DHPS: variants seen among roughly 807,000 people sequenced by gnomAD.
DHPS encodes the protein migration-inducing gene 13.
Under a neutral mutation model 38.7 loss-of-function variants are expected in DHPS, and 24 were observed. The ratio of observed to expected loss-of-function variants is 0.62; its 90% CI spans 0.45 to 0.87. The LOEUF (loss-of-function observed/expected upper bound fraction) is 0.87, where lower values mean the gene tolerates loss of function less well. Among genes scored for constraint, DHPS ranks in the 40% least tolerant of loss-of-function variants. DHPS has a pLI of 0.00. For synonymous variants in DHPS, 250 were observed against 204.4 expected (o/e 1.22, Z -1.90); for missense variants, 510 against 497.6 (o/e 1.02, Z -0.24).
intron 1 of DHPS, chr19:12,681,120 C>T: frequency 7.8e-7 from 1 of 1,277,922 alleles, no homozygotes; most frequent in Non-Finnish European, 1.0e-6. Flanking sequence ...GCATGCGCCA[C>T]CGCGCCCAGC....
At chr19:12,676,225 G>T (rs757517786) in intron 7 of DHPS, 83 bp from the exon 8 acceptor site, 1 of 1,460,920 alleles carries the variant, frequency 6.8e-7, no homozygotes, top group Non-Finnish European at 9.1e-7. Context: ...AGCCAAACAG[G>T]CTGAGAGGTG....
In DHPS at chr19:12,677,121, T is replaced by C; in HGVS notation, c.875A>G (p.Asn292Ser). 1 of 1,614,202 alleles carries C rather than the reference T, an allele frequency of 6.2e-7. No individual in the cohort carries two copies. The highest frequency in any genetic ancestry group is 1.1e-5 in the South Asian group (1 of 91,080). Reference protein sequence around the residue: ...GGGVVKHHIANANLMRNGADY... With the variant: ...GGGVVKHHIASANLMRNGADY... ...ACCCCCACTCACCATGAGGTTGGCA[T>C]TGGCAATGTGGTGCTTGACCACGCC... The change falls in exon 7 of 9, where the codon AAT becomes AGT. Residue 292 changes from asparagine to serine, a missense_variant. Physicochemically the swap from Asn to Ser is conservative, Grantham distance 46. Coordinates refer to ENST00000210060, the MANE Select transcript of DHPS (RefSeq NM_001930.4).
At chr19:12,674,568 A>G (rs1378652880), downstream of DHPS, among the ~76,000 whole-genome samples, 1 of 152,184 alleles carries the variant, frequency 6.6e-6, no homozygotes, top group African/African-American at 2.4e-5. Context: ...CAGGCACATC[A>G]AGGGACATTT....
At chr19:12,680,111 C>T in intron 2 of DHPS, 50 bp downstream of exon 2, 1 of 1,604,730 alleles carries the variant, frequency 6.2e-7, no homozygotes, top group South Asian at 1.1e-5. Flanking sequence ...TCAATAACTG[C>T]ATTGCCCATT....
chr19:12,680,535 C>CTTTT (rs869197999), intron 1 of DHPS, among the ~76,000 whole-genome samples: 1 of 140,110 alleles, frequency 7.1e-6, no homozygotes, highest in South Asian at 2.3e-4. Flanking sequence ...TGCCCCCACC[C>CTTTT]TTTTTTTTTT....
intron 5 of DHPS, among the ~76,000 whole-genome samples, chr19:12,678,133 T>TC (rs2024678845): frequency 1.3e-5 from 2 of 151,630 alleles, no homozygotes; most frequent in South Asian, 4.2e-4. Context: ...ATGCCTATAA[T>TC]CCCAGCTACT....
chr19:12,680,831 G>T (rs2024782661), intron 1 of DHPS, among the ~76,000 whole-genome samples: 1 of 132,744 alleles, frequency 7.5e-6, no homozygotes, highest in African/African-American at 3.3e-5. Flanking sequence ...ACCGTGCCCG[G>T]CCTTTTTTTT....
At chr19:12,675,649 G>A (rs1193906875), downstream of DHPS, 1 of 1,601,488 alleles carries the variant, frequency 6.2e-7, no homozygotes, top group Non-Finnish European at 8.5e-7. Flanking sequence ...GGAGGCCTAT[G>A]AGGCAGAGGA....
chr19:12,675,866 G>A lies in DHPS; in HGVS notation c.1082C>T (p.Ala361Val), dbSNP rs776176976. The A allele has an allele frequency of 1.2e-6, 2 of 1,608,898 alleles. No individual in the cohort carries two copies. Among genetic ancestry groups the A allele is most frequent in the Admixed American group, 1.7e-5 (1 of 59,236 alleles). ...VAETFAQKMD[A>V]FMHEKNED is the part of the protein sequence containing the mutation. ...GTCCTCGTTCTTCTCATGCATGAAG[G>A]CATCCATCTTCTGGGCAAAGGTTTC... Residue 361 changes from alanine to valine, a missense_variant, in exon 9 of 9, where the codon GCC becomes GTC. Transcript: ENST00000210060.
Position 12,679,709 on chromosome 19 carries a change from G to A in DHPS, c.505C>T (p.Leu169=), listed in dbSNP as rs766145687. The A allele has an allele frequency of 2.5e-6, 4 of 1,614,156 alleles. No individual in the cohort carries two copies. Residue 169 remains leucine, a synonymous_variant, in exon 4 of 9, where the codon CTG becomes TTG. Coordinates refer to ENST00000210060, the MANE Select transcript of DHPS (RefSeq NM_001930.4). ...CAGTAATTCTCATTGGGCACCAGCA[G>A]GTTTCCGATCCTGAGAACAGGAGGC... ...RENGINRIGN[L]LVPNENYCKF...
rs780779762 is a variant in DHPS at position 12,679,722 on chromosome 19, G to A, written c.495-3C>T. On this transcript the variant is annotated splice_region_variant and splice_polypyrimidine_tract_variant and intron_variant, in intron 3 of 8. Coordinates refer to ENST00000210060, the MANE Select transcript of DHPS (RefSeq NM_001930.4). ...TGGGCACCAGCAGGTTTCCGATCCT[G>A]AGAACAGGAGGCATGTAGGCATCAG... 6.2e-6 allele frequency: 10 copies of A among 1,614,182 alleles called. No individual in the cohort carries two copies. Among genetic ancestry groups the A allele is most frequent in the South Asian group, 1.1e-5 (1 of 91,078 alleles).
At position 12,675,846 on chromosome 19, in the gene DHPS, C is replaced by T. The variant is rs189043504; in HGVS notation, c.1102G>A (p.Glu368Lys). The change falls in exon 9 of 9, where the codon GAG becomes AAG. Residue 368 changes from glutamate (E) to lysine (K), a missense_variant. Transcript: ENST00000210060. ...CCTGGGACCGCAGCCGCTCAGTCCT[C>T]GTTCTTCTCATGCATGAAGGCATCC... ...KMDAFMHEKN[E>K]D 170 of 1,602,024 alleles carry T rather than the reference C, an allele frequency of 1.1e-4. No individual in the cohort carries two copies. The highest frequency in any genetic ancestry group is 8.0e-5 in the African/African-American group (6 of 74,576).
chr19:12,679,218 G>T (rs972088593), intron 5 of DHPS, among the ~76,000 whole-genome samples: 1 of 151,782 alleles, frequency 6.6e-6, no homozygotes, highest in Non-Finnish European at 1.5e-5. Flanking sequence ...GGACTGCTTG[G>T]CCCCAGGAGG....
rs1235069227 is a variant in DHPS at position 12,681,590 on chromosome 19, G to T, written c.177C>A (p.Phe59Leu). ...FGTTGFQATN[F>L]GRAVQQVNAM... ...CATTGACTTGCTGTACAGCGCGCCC[G>T]AAGTTGGTTGCTTGGAAGCCGGTGG... is the stretch of plus-strand genomic sequence containing the variant. The change falls in exon 1 of 9, where the codon TTC (phenylalanine) becomes TTA (leucine). Residue 59 changes from phenylalanine (F) to leucine (L), a missense_variant. By Grantham distance (22) the Phe-to-Leu change is conservative. Transcript: ENST00000210060. 1.2e-6 allele frequency: 2 copies of T among 1,614,152 alleles called. No individual in the cohort carries two copies. The highest frequency in any genetic ancestry group is 1.3e-5 in the African/African-American group (1 of 74,958).
chr19:12,677,070 A>G (rs1302382075), intron 7 of DHPS, 38 bp downstream of exon 7: 2 of 1,579,908 alleles, frequency 1.3e-6, no homozygotes, highest in Non-Finnish European at 1.7e-6. Context: ...ACCACACAGC[A>G]TGTCTGCAGA....
downstream of DHPS, among the ~76,000 whole-genome samples, chr19:12,673,870 T>C (rs1331645934): frequency 6.6e-6 from 1 of 152,008 alleles, no homozygotes; most frequent in Admixed American, 6.6e-5. Context: ...TGGCTAATTT[T>C]TGTATTTTTA....
At chr19:12,677,451 G>C (rs2024644191) in intron 5 of DHPS, 55 bp from the exon 6 acceptor site, 2 of 1,467,618 alleles carry the variant, frequency 1.4e-6, no homozygotes, top group Non-Finnish European at 1.9e-6. Flanking sequence ...TCTCCATGCT[G>C]GCTATATGAC....
chr19:12,673,471 G>A (rs1243437846), downstream of DHPS, among the ~76,000 whole-genome samples: 4 of 143,678 alleles, frequency 2.8e-5, no homozygotes, highest in Non-Finnish European at 6.0e-5. Flanking sequence ...AGGCTAGAGT[G>A]CAGTGGCGCA....
chr19:12,677,894 A>G (rs376636545), intron 5 of DHPS, among the ~76,000 whole-genome samples: 7 of 151,532 alleles, frequency 4.6e-5, no homozygotes, highest in Admixed American at 2.6e-4. Context: ...CACCCGCCTC[A>G]GCCCCCAAAG....
Sources: gnomAD v4.1 joint callset for allele counts (sites outside exome capture counted in the v4.1 genomes callset) on GRCh38, gnomAD v4.1.1 for gene constraint, MANE v1.5 for transcripts, NCBI Gene and HGNC (gene_info 2026-07-23, HGNC 2026-07-21) for gene names.